Variants in SELENOT observed in about 807,000 individuals in gnomAD.
SELENOT encodes selenoprotein T.
SELENOT carries 9 observed loss-of-function variants against 24.3 expected under a neutral mutation model. The observed-to-expected ratio is 0.37, with a 90% CI of 0.22 to 0.65. The LOEUF (loss-of-function observed/expected upper bound fraction) is 0.65. Ranked by LOEUF, SELENOT falls within the 30% of genes least tolerant of loss-of-function variation. The pLI is 0.60. For synonymous variants in SELENOT, 81 were observed against 86.0 expected (o/e 0.94, Z 0.32); for missense variants, 166 against 247.6 (o/e 0.67, Z 2.21).
At chr3:150,625,699 T>C (rs1726424871) in intron 4 of SELENOT, among the ~76,000 whole-genome samples, 2 of 152,172 alleles carry the variant, frequency 1.3e-5, no homozygotes, top group South Asian at 4.1e-4. Context: ...CTTCTGTGCT[T>C]ATAACTAAAG....
chr3:150,605,757 T>C (rs1483799648), intron 1 of SELENOT, among the ~76,000 whole-genome samples: 1 of 152,166 alleles, frequency 6.6e-6, no homozygotes, highest in East Asian at 1.9e-4. Flanking sequence ...TATGGTAAAG[T>C]GAATATTGGG....
chr3:150,629,749 T>G lies in SELENOT; in HGVS notation c.*2120T>G, dbSNP rs1449083117. The G allele has an allele frequency of 6.6e-6, 1 of 152,624 alleles. No homozygotes were observed. The highest frequency in any genetic ancestry group is 2.4e-5 in the African/African-American group (1 of 41,442). 9.5% of individuals were successfully genotyped at this position (152,624 alleles called of 1,614,324 possible). A position where few individuals can be genotyped will look rare whatever the true frequency, so the allele number is the denominator to read the frequency against. On this transcript the variant is annotated 3_prime_UTR_variant, in exon 6 of 6. Transcript: ENST00000471696. ...GCTTAGCCATATTTAAATCTTGAAT[T>G]TAATAGAGTCTAGTGAAAAAAATGA...
intron 4 of SELENOT, among the ~76,000 whole-genome samples, chr3:150,626,554 A>G (rs988297760): frequency 1.3e-5 from 2 of 148,214 alleles, no homozygotes; most frequent in Non-Finnish European, 3.0e-5. Flanking sequence ...CCCTTATATC[A>G]CTCCTCTTCT....
chr3:150,625,811 A>C (rs1031436643), intron 4 of SELENOT, among the ~76,000 whole-genome samples: 9 of 152,168 alleles, frequency 5.9e-5, no homozygotes, highest in African/African-American at 2.2e-4. Context: ...ATAAAGTGTA[A>C]AATATTTACC....
rs548370986 is a variant in SELENOT, at chr3:150,604,908, A to G, written c.137+1409A>G. Among the ~76,000 whole-genome samples the G allele has an allele frequency of 6.6e-5, 10 of 152,218 alleles. No individual in the cohort carries two copies. In the South Asian group the frequency reaches 2.1e-3, roughly 32 times the overall value. ...AAAAATTAGCCTGGCGTGGTGGCGC[A>G]TGCCTGTAATCCCAACTACTTGGGA... is the stretch of plus-strand genomic sequence containing the variant. On this transcript the variant is annotated intron_variant, in intron 1 of 5. Coordinates refer to ENST00000471696, the MANE Select transcript of SELENOT (RefSeq NM_016275.5).
chr3:150,619,640 A>C (rs1326873525), intron 1 of SELENOT, among the ~76,000 whole-genome samples: 1 of 152,208 alleles, frequency 6.6e-6, no homozygotes, highest in East Asian at 1.9e-4. Context: ...GTGTTCATAT[A>C]CTTATTTGGA....
intron 1 of SELENOT, among the ~76,000 whole-genome samples, chr3:150,612,462 T>G (rs1440520574): frequency 6.6e-6 from 1 of 152,170 alleles, no homozygotes; most frequent in Non-Finnish European, 1.5e-5. Flanking sequence ...ATAATTAGAT[T>G]TTGGTGTCAT....
At chr3:150,625,351 C>A (rs1330075242) in intron 4 of SELENOT, among the ~76,000 whole-genome samples, 3 of 152,044 alleles carry the variant, frequency 2.0e-5, no homozygotes, top group African/African-American at 7.2e-5. Flanking sequence ...TCTTTTGCTC[C>A]TCCTTTGACA....
chr3:150,609,697 G>A (rs772789663), intron 1 of SELENOT, among the ~76,000 whole-genome samples: 1 of 152,132 alleles, frequency 6.6e-6, no homozygotes, highest in Non-Finnish European at 1.5e-5. Flanking sequence ...ATAGAAAGTT[G>A]GGAATGGGAG....
Position 150,603,443 on chromosome 3 carries a change from C to T in SELENOT, c.81C>T (p.Pro27=), listed in dbSNP as rs748626693. 28 of 1,613,020 alleles carry T rather than the reference C, an allele frequency of 1.7e-5. No homozygotes were observed. In the South Asian group the frequency reaches 2.9e-4, roughly 16 times the overall value. ...CCTCGGCCAATCTGGGCGGCGTGCCCAGCAAGAGATTAAAGATGCAGTACG... is the reference window on the plus strand; with the variant it reads ...CCTCGGCCAATCTGGGCGGCGTGCCTAGCAAGAGATTAAAGATGCAGTACG... ...SEASANLGGV[P]SKRLKMQYAT... is the part of the protein sequence containing the mutation. Residue 27 remains proline (P), a synonymous_variant, in exon 1 of 6, where the codon CCC becomes CCT. Transcript: ENST00000471696.
chr3:150,615,924 G>A lies in SELENOT; in HGVS notation c.138-6461G>A, dbSNP rs1033773675. Among the ~76,000 whole-genome samples, 1,117 of 151,756 alleles carry A rather than the reference G, an allele frequency of 7.4e-3. 14 individuals carry two copies. Among genetic ancestry groups the A allele is most frequent in the African/African-American group, 0.025 (1,056 of 41,456 alleles). On this transcript the variant is annotated intron_variant, in intron 1 of 5. Coordinates refer to ENST00000471696, the MANE Select transcript of SELENOT (RefSeq NM_016275.5). ...CTAAGCCAAAAGAACAAAGCTGGAGGCATCACACTGCCTGACTTCAAACTA... is the reference window on the plus strand; with the variant it reads ...CTAAGCCAAAAGAACAAAGCTGGAGACATCACACTGCCTGACTTCAAACTA...
intron 1 of SELENOT, among the ~76,000 whole-genome samples, chr3:150,605,615 T>C (rs1253988439): frequency 6.6e-6 from 1 of 150,844 alleles, no homozygotes; most frequent in Non-Finnish European, 1.5e-5. Flanking sequence ...TTTTTATTTT[T>C]CTGACACTAT....
Position 150,629,727 on chromosome 3 carries a change from T to G in SELENOT, c.*2098T>G, listed in dbSNP as rs1726516393. ...ACGCTCATCTCTTTTGTCTTACGCTTAGCCATATTTAAATCTTGAATTTAA... is the reference window on the plus strand; with the variant it reads ...ACGCTCATCTCTTTTGTCTTACGCTGAGCCATATTTAAATCTTGAATTTAA... On this transcript the variant is annotated 3_prime_UTR_variant, in exon 6 of 6. Transcript: ENST00000471696. The G allele has an allele frequency of 6.6e-6, 1 of 152,654 alleles. No individual in the cohort carries two copies. The highest frequency in any genetic ancestry group is 6.5e-5 in the Admixed American group (1 of 15,284). The allele number at this position is 152,654 out of a possible 1,614,324, so 9.5% of individuals were successfully genotyped here.
intron 1 of SELENOT, among the ~76,000 whole-genome samples, chr3:150,612,210 A>T (rs573221306): frequency 6.6e-6 from 1 of 152,018 alleles, no homozygotes; most frequent in South Asian, 2.1e-4. Context: ...CTCCTGCCTC[A>T]GTCTCCTGAG....
At chr3:150,615,030 A>C in intron 1 of SELENOT, among the ~76,000 whole-genome samples, 1 of 102,272 alleles carries the variant, frequency 9.8e-6, no homozygotes, top group African/African-American at 3.9e-5. Flanking sequence ...CCCACCCCAC[A>C]ATGGTCCCCA....
intron 1 of SELENOT, among the ~76,000 whole-genome samples, chr3:150,620,979 T>C (rs1301183783): frequency 6.6e-6 from 1 of 152,210 alleles, no homozygotes; most frequent in Admixed American, 6.5e-5. Flanking sequence ...GTAAGATCTT[T>C]ATACTAATAT....
At chr3:150,620,198 T>C (rs1726309048) in intron 1 of SELENOT, among the ~76,000 whole-genome samples, 1 of 152,172 alleles carries the variant, frequency 6.6e-6, no homozygotes, top group Non-Finnish European at 1.5e-5. Context: ...ACATCTCTAG[T>C]TGAGTCTCTT....
rs1342604007 is a variant in SELENOT, at chr3:150,622,418, G to A, written c.171G>A (p.Glu57=). 1 of 1,491,474 alleles carries A rather than the reference G, an allele frequency of 6.7e-7. No individual in the cohort carries two copies. The highest frequency in any genetic ancestry group is 2.1e-5 in the Admixed American group (1 of 47,230). The allele number at this position is 1,491,474 out of a possible 1,614,324, so 92.4% of individuals were successfully genotyped here. Residue 57 remains glutamate, a synonymous_variant, in exon 2 of 6, where the codon GAG becomes GAA. Transcript: ENST00000471696. ...VSUGYRRVFE[E]YMRVISQRYP... is the part of the protein sequence containing the mutation. Reference sequence around the variant, plus strand: ...GAGGTTATAGGCGGGTGTTTGAGGAGTACATGCGGGTTATTAGCCAGCGGT... The same window carrying A: ...GAGGTTATAGGCGGGTGTTTGAGGAATACATGCGGGTTATTAGCCAGCGGT...
chr3:150,611,594 A>G, intron 1 of SELENOT: 2 of 1,361,078 alleles, frequency 1.5e-6, no homozygotes, highest in Admixed American at 3.4e-5. Flanking sequence ...TCACATATGT[A>G]AAGATGCCTG....
Sources: gnomAD v4.1 joint callset for allele counts (sites outside exome capture counted in the v4.1 genomes callset) on GRCh38, gnomAD v4.1.1 for gene constraint, MANE v1.5 for transcripts, NCBI Gene and HGNC (gene_info 2026-07-23, HGNC 2026-07-21) for gene names.